GALNT2: variants seen among roughly 807,000 people sequenced by gnomAD.
The protein encoded by GALNT2 is polypeptide N-acetylgalactosaminyltransferase 2, also known as UDP-GalNAc:polypeptide N-acetylgalactosaminyltransferase 2.
Under a neutral mutation model 81.4 loss-of-function variants are expected in GALNT2, and 31 were observed. The ratio of observed to expected loss-of-function variants is 0.38; its 90% CI spans 0.29 to 0.51. The LOEUF is 0.51. GALNT2 is among the 20% of genes least tolerant of loss of function. The pLI is 0.87. For synonymous variants in GALNT2, 303 were observed against 287.4 expected, an observed-to-expected ratio of 1.05 and a Z score of -0.55; for missense variants, 629 against 765.7, an observed-to-expected ratio of 0.82 and a Z score of 2.11.
chr1:230,266,982 CGT>C (rs1475451224), intron 14 of GALNT2, among the ~76,000 whole-genome samples: 2 of 121,134 alleles, frequency 1.7e-5, no homozygotes, highest in Non-Finnish European at 3.3e-5. Context: ...TGCCTGTGCA[CGT>C]GTGTGACACA....
intron 1 of GALNT2, among the ~76,000 whole-genome samples, chr1:230,108,031 G>A (rs2102785959): frequency 6.6e-6 from 1 of 152,208 alleles, no homozygotes; most frequent in East Asian, 1.9e-4. Flanking sequence ...GTATTGCCCA[G>A]GCTTGGGCAG....
chr1:230,246,283 A>G (rs1558158907), intron 8 of GALNT2, 133 bp downstream of exon 8: 5 of 704,650 alleles, frequency 7.1e-6, no homozygotes, highest in Non-Finnish European at 1.3e-5. Flanking sequence ...AGTAAAAACC[A>G]CCTGTGTGCT....
At chr1:230,067,473 G>T in intron 1 of GALNT2, 67 bp downstream of exon 1, 1 of 572,884 alleles carries the variant, frequency 1.7e-6, no homozygotes, top group East Asian at 4.7e-5. Flanking sequence ...CCTGTCCCCT[G>T]CCCTCTCCGC....
chr1:230,150,624 T>A (rs1220649086), intron 1 of GALNT2, among the ~76,000 whole-genome samples: 1 of 152,248 alleles, frequency 6.6e-6, no homozygotes, highest in African/African-American at 2.4e-5. Flanking sequence ...TTTGTTTGTT[T>A]GTTTTTAGAC....
intron 1 of GALNT2, among the ~76,000 whole-genome samples, chr1:230,111,217 C>A (rs1660696782): frequency 6.6e-6 from 1 of 152,210 alleles, no homozygotes; most frequent in Non-Finnish European, 1.5e-5. Flanking sequence ...CATGTGCGTA[C>A]CATGCATGCA....
intron 1 of GALNT2, among the ~76,000 whole-genome samples, chr1:230,168,715 A>G (rs1662691605): frequency 6.6e-6 from 1 of 152,144 alleles, no homozygotes. Context: ...GAACAGTTTT[A>G]GACTTACAGA....
intron 10 of GALNT2, among the ~76,000 whole-genome samples, chr1:230,253,190 C>T (rs1466244865): frequency 3.3e-5 from 5 of 152,112 alleles, no homozygotes; most frequent in African/African-American, 4.8e-5. Flanking sequence ...AAAGTAAAGT[C>T]GGAAACTTTC....
At chr1:230,272,593 G>A (rs992663149) in intron 14 of GALNT2, among the ~76,000 whole-genome samples, 3 of 152,108 alleles carry the variant, frequency 2.0e-5, no homozygotes, top group African/African-American at 7.2e-5. Context: ...CCCTGTTAGG[G>A]GAGGAGGAAG....
At chr1:230,164,411 A>C (rs540480378) in intron 1 of GALNT2, among the ~76,000 whole-genome samples, 397 of 152,328 alleles carry the variant, frequency 2.6e-3, no homozygotes, top group Non-Finnish European at 4.8e-3. Flanking sequence ...CGTTTCTTGG[A>C]GAAAGCAAAG....
intron 1 of GALNT2, among the ~76,000 whole-genome samples, chr1:230,072,622 G>A (rs1326266699): frequency 6.6e-6 from 1 of 152,204 alleles, no homozygotes; most frequent in Non-Finnish European, 1.5e-5. Flanking sequence ...GTGATGCTGA[G>A]CCGTACAAGT....
rs917526372 is a variant in GALNT2 at position 230,279,164 on chromosome 1, G to A, written c.1561-139G>A. 36 of 877,446 alleles carry A rather than the reference G, an allele frequency of 4.1e-5. No individual in the cohort carries two copies. The East Asian group carries it at 7.5e-4, about 18-fold the overall frequency. 54.4% of individuals were successfully genotyped at this position (877,446 alleles called of 1,614,324 possible). On this transcript the variant is annotated intron_variant, in intron 15 of 15. Transcript: ENST00000366672. The surrounding 1 kb of genome is among the most constrained non-coding windows in gnomAD (Gnocchi z 4.6). Reference sequence around the variant, plus strand: ...CCTGTGGGGCTGCTGCAAGCTCCTCGGCCGTTCAGATGAGAGGCTGGGAAA... The same window carrying A: ...CCTGTGGGGCTGCTGCAAGCTCCTCAGCCGTTCAGATGAGAGGCTGGGAAA...
At chr1:230,266,174 A>T (rs774602035) in intron 14 of GALNT2, among the ~76,000 whole-genome samples, 1 of 150,614 alleles carries the variant, frequency 6.6e-6, no homozygotes, top group Non-Finnish European at 1.5e-5. Context: ...AGCCCAGGCT[A>T]CAAGAGCAAA....
At chr1:230,196,743 C>T (rs1009701583) in intron 2 of GALNT2, among the ~76,000 whole-genome samples, 4 of 152,094 alleles carry the variant, frequency 2.6e-5, no homozygotes, top group East Asian at 1.9e-4. Flanking sequence ...GGAGAAGTTC[C>T]GCATCTGAGT....
chr1:230,236,513 C>A, intron 5 of GALNT2, 93 bp downstream of exon 5: 3 of 1,443,768 alleles, frequency 2.1e-6, no homozygotes, highest in Non-Finnish European at 2.9e-6. Context: ...GTGAACAAGC[C>A]AGAAATCAGA....
chr1:230,168,547 CAAGAGGG>C (rs1662686589), intron 1 of GALNT2, among the ~76,000 whole-genome samples: 2 of 152,114 alleles, frequency 1.3e-5, no homozygotes, highest in Admixed American at 1.3e-4. Context: ...AAGAGGGAGG[CAAGAGGG>C]CTTAAAATTT....
intron 2 of GALNT2, among the ~76,000 whole-genome samples, chr1:230,196,263 C>T (rs137919076): frequency 2.6e-5 from 4 of 152,324 alleles, no homozygotes; most frequent in Non-Finnish European, 4.4e-5. Flanking sequence ...CTCCTGCTCA[C>T]GCTTCAAGAC....
chr1:230,135,243 TG>T (rs1285849619), intron 1 of GALNT2, among the ~76,000 whole-genome samples: 2 of 150,540 alleles, frequency 1.3e-5, no homozygotes, highest in South Asian at 4.2e-4. Flanking sequence ...GACTCGGGGG[TG>T]GGGATGCGAG....
intron 2 of GALNT2, among the ~76,000 whole-genome samples, chr1:230,183,031 A>G (rs1362131703): frequency 6.6e-6 from 1 of 152,204 alleles, no homozygotes; most frequent in Non-Finnish European, 1.5e-5. Flanking sequence ...AAAAATTCCT[A>G]TGATCTAAAG....
At chr1:230,215,981 CTG>C (rs1159730083) in intron 3 of GALNT2, among the ~76,000 whole-genome samples, 1 of 152,220 alleles carries the variant, frequency 6.6e-6, no homozygotes, top group Non-Finnish European at 1.5e-5. Context: ...GTGAATGCCT[CTG>C]TCACACTGAG....
Sources: allele counts gnomAD v4.1 joint callset (sites outside exome capture counted in the v4.1 genomes callset), GRCh38; gene constraint gnomAD v4.1.1; non-coding constraint Gnocchi (gnomAD v3.1); transcripts MANE v1.5; gene names NCBI Gene and HGNC (gene_info 2026-07-23, HGNC 2026-07-21).